The following ATP8A2 variants were observed in gnomAD, a reference collection of about 807,000 sequenced individuals.
The protein encoded by ATP8A2 is phospholipid-transporting ATPase IB.
In ATP8A2, 100 loss-of-function variants were observed where a neutral mutation model predicts 165.6. That is an observed-to-expected ratio of 0.60 (90% CI 0.51 to 0.71). The LOEUF (loss-of-function observed/expected upper bound fraction) is 0.71. Ranked by LOEUF, ATP8A2 falls within the 30% of genes least tolerant of loss-of-function variation. The pLI is 0.00. For missense variants in ATP8A2, 1,227 were observed against 1,479.5 expected (o/e 0.83, Z 2.80); for synonymous variants, 543 against 548.8 (o/e 0.99, Z 0.15).
intron 18 of ATP8A2, among the ~76,000 whole-genome samples, 162 bp from the exon 19 acceptor site, chr13:25,574,646 C>G (rs1036371381): frequency 7.2e-5 from 11 of 152,178 alleles, no homozygotes; most frequent in Admixed American, 5.9e-4. Context: ...AGAGGGAGCT[C>G]TGACCCCACC....
At chr13:25,688,885 T>C (rs1213343467) in intron 24 of ATP8A2, among the ~76,000 whole-genome samples, 1 of 116,614 alleles carries the variant, frequency 8.6e-6, no homozygotes, top group Non-Finnish European at 1.9e-5. Context: ...ATGGCTATGA[T>C]CTTCACTGCC....
intron 27 of ATP8A2, among the ~76,000 whole-genome samples, chr13:25,812,765 C>A (rs1950910844): frequency 1.3e-5 from 2 of 151,848 alleles, no homozygotes; most frequent in Non-Finnish European, 2.9e-5. Flanking sequence ...AGGAATGATA[C>A]AAAATTTTTG....
intron 27 of ATP8A2, among the ~76,000 whole-genome samples, chr13:25,820,444 A>G (rs566153378): frequency 9.6e-4 from 146 of 152,308 alleles, no homozygotes; most frequent in African/African-American, 3.3e-3. Context: ...TTCCTAGTTA[A>G]CAAGAAACTA....
chr13:25,418,459 C>T (rs1359318499), intron 1 of ATP8A2, among the ~76,000 whole-genome samples: 4 of 148,062 alleles, frequency 2.7e-5, no homozygotes, highest in African/African-American at 1.0e-4. Context: ...AGTACCGTAC[C>T]ATGTTAAAGG....
At chr13:25,529,893 AT>A (rs34592490) in intron 2 of ATP8A2, 105 bp from the exon 3 acceptor site, 29,928 of 613,124 alleles carry the variant, frequency 0.049, 1,085 homozygotes, top group South Asian at 0.12. Flanking sequence ...GTTTTGAAAC[AT>A]TTTTTTTTAA....
intron 1 of ATP8A2, among the ~76,000 whole-genome samples, chr13:25,373,337 G>A (rs1005785997): frequency 6.6e-6 from 1 of 152,024 alleles, no homozygotes; most frequent in African/African-American, 2.4e-5. Context: ...AGGGAAGCAA[G>A]CTTATCAGGT....
At chr13:26,000,082 A>T (rs1457735511) in intron 35 of ATP8A2, among the ~76,000 whole-genome samples, 1 of 152,192 alleles carries the variant, frequency 6.6e-6, no homozygotes, top group Non-Finnish European at 1.5e-5. Flanking sequence ...AATTGTGGCT[A>T]TGAAATATCA....
intron 6 of ATP8A2, among the ~76,000 whole-genome samples, chr13:25,536,209 T>G (rs772533694): frequency 2.1e-4 from 32 of 152,180 alleles, no homozygotes; most frequent in Non-Finnish European, 3.5e-4. Flanking sequence ...CCTCCTGGGT[T>G]CAAGCGATTC....
intron 24 of ATP8A2, among the ~76,000 whole-genome samples, chr13:25,679,140 T>C (rs1824278683): frequency 1.3e-5 from 2 of 152,112 alleles, no homozygotes; most frequent in Admixed American, 1.3e-4. Flanking sequence ...TAGTAAAAGA[T>C]AGTAGGATTC....
chr13:25,707,324 T>A (rs1169410943), intron 25 of ATP8A2, among the ~76,000 whole-genome samples: 2 of 152,142 alleles, frequency 1.3e-5, no homozygotes, highest in Non-Finnish European at 2.9e-5. Context: ...AGCAAATAAT[T>A]TATATGAATT....
intron 1 of ATP8A2, among the ~76,000 whole-genome samples, chr13:25,440,230 C>T (rs981487776): frequency 2.6e-5 from 4 of 152,140 alleles, no homozygotes; most frequent in African/African-American, 7.2e-5. Flanking sequence ...TCTGGTGTTA[C>T]TGGGAAAGTA....
At chr13:25,577,838 T>C (rs1304283241) in intron 20 of ATP8A2, among the ~76,000 whole-genome samples, 1 of 152,200 alleles carries the variant, frequency 6.6e-6, no homozygotes, top group East Asian at 1.9e-4. Context: ...GATTAATTAG[T>C]GGTTGACAGT....
At chr13:25,454,911 G>A (rs2035324949) in intron 1 of ATP8A2, among the ~76,000 whole-genome samples, 1 of 152,172 alleles carries the variant, frequency 6.6e-6, no homozygotes, top group African/African-American at 2.4e-5. Context: ...GACAGAGTGA[G>A]ACTCCGTCTC....
intron 35 of ATP8A2, among the ~76,000 whole-genome samples, chr13:25,988,834 T>C (rs945825857): frequency 6.6e-6 from 1 of 152,222 alleles, no homozygotes; most frequent in Non-Finnish European, 1.5e-5. Flanking sequence ...AAGAAACAAA[T>C]ACCCTAGGCT....
intron 27 of ATP8A2, among the ~76,000 whole-genome samples, chr13:25,789,336 G>A (rs963033338): frequency 6.6e-5 from 10 of 152,194 alleles, no homozygotes; most frequent in Admixed American, 2.0e-4. Context: ...TAAAACTCTA[G>A]TGTTTAAACA....
Position 25,704,511 on chromosome 13 carries a change from T to C in ATP8A2, c.2384+5166T>C, listed in dbSNP as rs573204749. Among the ~76,000 whole-genome samples the C allele has an allele frequency of 2.0e-5, 3 of 152,052 alleles. No homozygotes were observed. In the South Asian group the frequency reaches 6.2e-4, roughly 32 times the overall value. ...ACTATGCCTGGCTAATTTTTAAAATTTTTTTATAGAGATGGAGGCTTGCTA... is the reference window on the plus strand; with the variant it reads ...ACTATGCCTGGCTAATTTTTAAAATCTTTTTATAGAGATGGAGGCTTGCTA... On this transcript the variant is annotated intron_variant, in intron 25 of 36. Coordinates refer to ENST00000381655, the MANE Select transcript of ATP8A2 (RefSeq NM_016529.6).
intron 25 of ATP8A2, among the ~76,000 whole-genome samples, chr13:25,708,013 T>C (rs192214719): frequency 6.6e-6 from 1 of 152,360 alleles, no homozygotes; most frequent in Admixed American, 6.5e-5. Context: ...CACAGACACA[T>C]GACTTTTCAA....
At chr13:25,600,565 C>A (rs2040356969) in intron 24 of ATP8A2, among the ~76,000 whole-genome samples, 1 of 152,148 alleles carries the variant, frequency 6.6e-6, no homozygotes, top group Non-Finnish European at 1.5e-5. Flanking sequence ...CAGGTCCATG[C>A]CCTGCAGCTT....
intron 1 of ATP8A2, among the ~76,000 whole-genome samples, chr13:25,438,588 C>G (rs530921869): frequency 6.6e-6 from 1 of 151,980 alleles, no homozygotes; most frequent in African/African-American, 2.4e-5. Flanking sequence ...CTACAACGAG[C>G]TATGGTTGCA....
Sources: gnomAD v4.1 joint callset for allele counts (sites outside exome capture counted in the v4.1 genomes callset) on GRCh38, gnomAD v4.1.1 for gene constraint, MANE v1.5 for transcripts, NCBI Gene and HGNC (gene_info 2026-07-23, HGNC 2026-07-21) for gene names.